Variants in ST3GAL6 observed in about 807,000 individuals in gnomAD.
The protein encoded by ST3GAL6 is ST3 beta-galactoside alpha-2,3-sialyltransferase 6.
Under a neutral mutation model 40.5 loss-of-function variants are expected in ST3GAL6, and 31 were observed. That is an observed-to-expected ratio of 0.77 (90% CI 0.58 to 1.03). The LOEUF (loss-of-function observed/expected upper bound fraction) is 1.03, where lower values mean the gene tolerates loss of function less well. Ranked by LOEUF, ST3GAL6 falls within the 50% of genes least tolerant of loss-of-function variation. The pLI, the probability that ST3GAL6 is intolerant of heterozygous loss-of-function variation, is 0.00. For missense variants in ST3GAL6, 357 were observed against 393.2 expected, an observed-to-expected ratio of 0.91 and a Z score of 0.78; for synonymous variants, 129 against 136.9, an observed-to-expected ratio of 0.94 and a Z score of 0.40.
rs143812967 is a variant in ST3GAL6 at position 98,773,299 on chromosome 3, C to T, written c.271+383C>T. 3.9e-4 allele frequency: 61 copies of T among 157,264 alleles called. 2 individuals carry two copies. The East Asian group carries it at 9.1e-3, about 24-fold the overall frequency. 9.7% of individuals were successfully genotyped at this position (157,264 alleles called of 1,614,324 possible). A position where few individuals can be genotyped will look rare whatever the true frequency, so the allele number is the denominator to read the frequency against. ...TTACCTGTGAGTTTTATCTCATCAG[C>T]GATTCTTATCTCCTTAAGCAGTCTT... On this transcript the variant is annotated intron_variant, in intron 4 of 9. Coordinates refer to ENST00000483910, the MANE Select transcript of ST3GAL6 (RefSeq NM_001323368.2).
chr3:98,748,822 T>C (rs1053504882), intron 1 of ST3GAL6, among the ~76,000 whole-genome samples: 1 of 152,194 alleles, frequency 6.6e-6, no homozygotes, highest in African/African-American at 2.4e-5. Flanking sequence ...GTTCTTTGAG[T>C]GTACCATTTT....
chr3:98,770,983 G>T, intron 3 of ST3GAL6, 27 bp downstream of exon 3: 1 of 1,607,604 alleles, frequency 6.2e-7, no homozygotes. Flanking sequence ...AAAACCTGTG[G>T]CATACAAAAT....
At chr3:98,771,076 A>G (rs749623838) in intron 3 of ST3GAL6, 120 bp downstream of exon 3, 2 of 1,496,830 alleles carry the variant, frequency 1.3e-6, no homozygotes, top group African/African-American at 1.4e-5. Flanking sequence ...GACACCCCAT[A>G]TTTAAGGAAG....
intron 1 of ST3GAL6, among the ~76,000 whole-genome samples, chr3:98,755,149 C>T (rs751432699): frequency 3.3e-5 from 5 of 152,168 alleles, no homozygotes; most frequent in East Asian, 1.9e-4. Flanking sequence ...CCGGTTCAAG[C>T]GATTCTCCTG....
chr3:98,774,831 C>A (rs1048105044), intron 5 of ST3GAL6, among the ~76,000 whole-genome samples: 2 of 152,190 alleles, frequency 1.3e-5, no homozygotes, highest in Admixed American at 1.3e-4. Flanking sequence ...TCTCATTTTT[C>A]TCTGTTGGAG....
At chr3:98,750,345 T>C (rs1559726797) in intron 1 of ST3GAL6, among the ~76,000 whole-genome samples, 1 of 152,228 alleles carries the variant, frequency 6.6e-6, no homozygotes, top group African/African-American at 2.4e-5. Flanking sequence ...GACATTTGAA[T>C]GTGTGGACTC....
intron 1 of ST3GAL6, among the ~76,000 whole-genome samples, chr3:98,744,344 T>C (rs1246673312): frequency 6.6e-6 from 1 of 152,210 alleles, no homozygotes; most frequent in Non-Finnish European, 1.5e-5. Context: ...GCCATGGTAC[T>C]GATCCCTCTT....
In ST3GAL6 at chr3:98,788,209, T is replaced by C. The variant is rs1184930671; in HGVS notation, c.605T>C (p.Met202Thr). ...TTAAGGTGGCTGTTGGAATTGTTGATGGGTGACAAAATAGTAAGTAGGCAA... is the reference window on the plus strand; with the variant it reads ...TTAAGGTGGCTGTTGGAATTGTTGACGGGTGACAAAATAGTAAGTAGGCAA... ...HDLRWLLELLMGDKINTNGFW... is the reference protein window; with the variant it reads ...HDLRWLLELLTGDKINTNGFW... Residue 202 changes from methionine to threonine, a missense_variant, in exon 7 of 10, where the codon ATG becomes ACG. Coordinates refer to ENST00000483910, the MANE Select transcript of ST3GAL6 (RefSeq NM_001323368.2). 1.9e-6 allele frequency: 3 copies of C among 1,609,728 alleles called. No homozygotes were observed. The highest frequency in any genetic ancestry group is 1.3e-5 in the African/African-American group (1 of 74,836).
intron 5 of ST3GAL6, among the ~76,000 whole-genome samples, chr3:98,777,595 T>C (rs564305699): frequency 3.3e-4 from 50 of 152,358 alleles, no homozygotes; most frequent in African/African-American, 1.2e-3. Context: ...GAAACAAGAT[T>C]ATTGGGGAAC....
At chr3:98,757,345 T>C (rs560685276) in intron 1 of ST3GAL6, among the ~76,000 whole-genome samples, 4 of 152,312 alleles carry the variant, frequency 2.6e-5, no homozygotes, top group Admixed American at 2.6e-4. Flanking sequence ...CTTAAGCTCT[T>C]GCTTGTTCCT....
chr3:98,770,292 C>G (rs1938831168), intron 2 of ST3GAL6: 1 of 152,390 alleles, frequency 6.6e-6, no homozygotes, highest in South Asian at 2.1e-4. Context: ...TCACAATACC[C>G]TTTTAAATTG....
At chr3:98,744,030 C>G (rs1040281273) in intron 1 of ST3GAL6, among the ~76,000 whole-genome samples, 1 of 151,906 alleles carries the variant, frequency 6.6e-6, no homozygotes, top group African/African-American at 2.4e-5. Flanking sequence ...AGGGTGGGTC[C>G]CTAATGCAAT....
At chr3:98,733,037 G>C in intron 1 of ST3GAL6, 1 of 1,429,802 alleles carries the variant, frequency 7.0e-7, no homozygotes, top group Non-Finnish European at 9.1e-7. Context: ...GGTGCGGGAA[G>C]ACCGGTCTGG....
chr3:98,733,749 G>A (rs1009103894), intron 1 of ST3GAL6, among the ~76,000 whole-genome samples: 1 of 152,066 alleles, frequency 6.6e-6, no homozygotes, highest in Non-Finnish European at 1.5e-5. Flanking sequence ...AAAAAGCGAC[G>A]CCCAGAAACC....
intron 5 of ST3GAL6, among the ~76,000 whole-genome samples, chr3:98,776,428 A>ATC (rs1939554154): frequency 6.6e-6 from 1 of 152,184 alleles, no homozygotes; most frequent in Non-Finnish European, 1.5e-5. Context: ...CAGGCAGAGA[A>ATC]TTTAGACTGC....
intron 1 of ST3GAL6, among the ~76,000 whole-genome samples, chr3:98,745,186 A>T (rs1936447872): frequency 6.6e-6 from 1 of 152,094 alleles, no homozygotes. Context: ...GGCACTTGCC[A>T]TCAAGCCTAG....
At chr3:98,777,100 G>C (rs1385629515) in intron 5 of ST3GAL6, among the ~76,000 whole-genome samples, 1 of 152,184 alleles carries the variant, frequency 6.6e-6, no homozygotes, top group African/African-American at 2.4e-5. Flanking sequence ...CTGGTATGAT[G>C]GCTGGAGTTC....
intron 1 of ST3GAL6, among the ~76,000 whole-genome samples, chr3:98,767,616 T>C (rs1000559246): frequency 3.3e-5 from 5 of 152,248 alleles, no homozygotes; most frequent in African/African-American, 1.2e-4. Flanking sequence ...ATGTTAAATT[T>C]GTCTTTTACA....
In ST3GAL6 at chr3:98,737,323, T is replaced by A. The variant is rs567202087; in HGVS notation, c.-12+4791T>A. Among the ~76,000 whole-genome samples the A allele has an allele frequency of 5.9e-5, 9 of 152,328 alleles. No homozygotes were observed. In the East Asian group the frequency reaches 9.6e-4, roughly 16 times the overall value. On this transcript the variant is annotated intron_variant, in intron 1 of 9. Transcript: ENST00000265261. ...ACTTCGGCCTCCTAAAGTGTTGGGA[T>A]TACAGGCGTGAGCCACCACACGCGG... is the stretch of plus-strand genomic sequence containing the variant.
Sources: allele counts gnomAD v4.1 joint callset (sites outside exome capture counted in the v4.1 genomes callset), GRCh38; gene constraint gnomAD v4.1.1; transcripts MANE v1.5; gene names NCBI Gene and HGNC (gene_info 2026-07-23, HGNC 2026-07-21).